Variants in MYOM2 observed in about 807,000 individuals in gnomAD.
The protein encoded by MYOM2 is myomesin-2.
In MYOM2, 254 loss-of-function variants were observed where a neutral mutation model predicts 187.6. The ratio of observed to expected loss-of-function variants is 1.35; its 90% confidence interval spans 1.22 to 1.50. The LOEUF (loss-of-function observed/expected upper bound fraction) is 1.50, where lower values mean the gene tolerates loss of function less well. MYOM2 is among the 40% of genes most tolerant of loss of function. MYOM2 has a pLI of 0.00. For missense variants in MYOM2, 2,796 were observed against 1,924.0 expected (o/e 1.45, Z -8.48); for synonymous variants, 981 against 753.8 (o/e 1.30, Z -4.94).
At chr8:2,077,927 C>T (rs146618465) in intron 11 of MYOM2, among the ~76,000 whole-genome samples, 26 of 152,248 alleles carry the variant, frequency 1.7e-4, no homozygotes, top group African/African-American at 5.8e-4. Flanking sequence ...GCTAAAACAG[C>T]CCATGACATG....
intron 16 of MYOM2, 75 bp downstream of exon 16, chr8:2,092,595 C>T: frequency 6.8e-7 from 1 of 1,462,142 alleles, no homozygotes; most frequent in Non-Finnish European, 9.3e-7. Flanking sequence ...GTGGCCCTGG[C>T]ACAGGGAGTA....
chr8:2,105,206 G>T (rs1796851107), intron 21 of MYOM2, among the ~76,000 whole-genome samples: 1 of 152,172 alleles, frequency 6.6e-6, no homozygotes, highest in Admixed American at 6.5e-5. Context: ...TCAGGAAGCA[G>T]TGCAGCCTCA....
rs536627817 is a variant in MYOM2 at position 2,119,656 on chromosome 8, G to A, written c.3453+1704G>A. 3.9e-5 allele frequency among the ~76,000 whole-genome samples: 6 copies of A among 152,218 alleles called. No homozygotes were observed. The East Asian group carries it at 1.2e-3, about 29-fold the overall frequency. On this transcript the variant is annotated intron_variant, in intron 28 of 36. Transcript: ENST00000262113. ...GGTGCTCAGCTGGCAGTGAGGGAGA[G>A]CGAGGGGAGTCAGGGTGGCTTTGTC...
intron 32 of MYOM2, among the ~76,000 whole-genome samples, chr8:2,133,642 G>A (rs1216826821): frequency 3.9e-5 from 6 of 152,144 alleles, no homozygotes; most frequent in South Asian, 4.1e-4. Flanking sequence ...TGTATATTTA[G>A]TAGAGATGGG....
At chr8:2,138,645 A>G (rs566194690) in intron 32 of MYOM2, among the ~76,000 whole-genome samples, 20 of 152,346 alleles carry the variant, frequency 1.3e-4, no homozygotes, top group Admixed American at 1.3e-3. Flanking sequence ...AGGCGGCACG[A>G]ACTCGCTCCC....
intron 11 of MYOM2, 117 bp from the exon 12 acceptor site, chr8:2,078,617 C>G (rs1298548222): frequency 1.1e-6 from 1 of 902,702 alleles, no homozygotes; most frequent in African/African-American, 1.7e-5. Flanking sequence ...AAAGATTTTA[C>G]TGGCGTGAGA....
At chr8:2,076,322 C>G in intron 11 of MYOM2, 40 bp downstream of exon 11, 1 of 1,603,428 alleles carries the variant, frequency 6.2e-7, no homozygotes, top group East Asian at 2.2e-5. Context: ...GAACGTTCCG[C>G]ATGGAATCTT....
chr8:2,059,088 G>C, intron 5 of MYOM2, 65 bp from the exon 6 acceptor site: 1 of 1,393,328 alleles, frequency 7.2e-7, no homozygotes, highest in Non-Finnish European at 1.0e-6. Context: ...GGGAGCTGGG[G>C]CAGAATTGCA....
Position 2,144,812 on chromosome 8 carries a change from C to T in MYOM2, c.4229C>T (p.Ser1410Phe). 1 of 1,614,146 alleles carries T rather than the reference C, an allele frequency of 6.2e-7. No individual in the cohort carries two copies. The change falls in exon 37 of 37, where the codon TCC becomes TTC. Residue 1410 changes from serine (S) to phenylalanine (F), a missense_variant. Physicochemically the swap from Ser to Phe is radical, Grantham distance 155. Coordinates refer to ENST00000262113, the MANE Select transcript of MYOM2 (RefSeq NM_003970.4). The part of the protein sequence containing the change: ...YVSMTIKGVT[S>F]EDSGKYSINI... The stretch of plus-strand genomic sequence containing the variant: ...AGCATGACCATCAAAGGCGTGACCT[C>T]CGAGGACTCGGGCAAGTACAGCATC...
rs146732433 is a variant in MYOM2 at position 2,145,060 on chromosome 8, C to T, written c.*79C>T. 2,255 of 1,500,300 alleles carry T rather than the reference C, an allele frequency of 1.5e-3. 11 individuals carry two copies. Among genetic ancestry groups the T allele is most frequent in the African/African-American group, 0.012 (837 of 70,978 alleles). The allele number at this position is 1,500,300 out of a possible 1,614,324, so 92.9% of individuals were successfully genotyped here. ...CTGTGTGCTTGTTCCAAATGAGCAG[C>T]TGGCATCCGAGTGGTGTCCTGTGTG... On this transcript the variant is annotated 3_prime_UTR_variant, in exon 37 of 37. Transcript: ENST00000262113.
At chr8:2,065,901 C>G (rs756598925) in intron 6 of MYOM2, among the ~76,000 whole-genome samples, 2 of 152,184 alleles carry the variant, frequency 1.3e-5, no homozygotes, top group African/African-American at 4.8e-5. Context: ...GGCTAAAACA[C>G]ACGGAGGAAG....
intron 18 of MYOM2, 141 bp downstream of exon 18, chr8:2,096,575 G>A: frequency 1.2e-6 from 1 of 846,472 alleles, no homozygotes. Context: ...AGATCATGAA[G>A]TTTTGGAGCT....
At chr8:2,115,604 T>C (rs564858490) in intron 25 of MYOM2, among the ~76,000 whole-genome samples, 4 of 152,212 alleles carry the variant, frequency 2.6e-5, no homozygotes, top group Admixed American at 6.5e-5. Flanking sequence ...ATTTTTGTCA[T>C]CAGCTGGTGA....
chr8:2,049,501 T>C (rs181120127), intron 1 of MYOM2, among the ~76,000 whole-genome samples: 1 of 152,322 alleles, frequency 6.6e-6, no homozygotes, highest in Admixed American at 6.5e-5. Context: ...CCTGGAGATC[T>C]GAACTATGAC....
At chr8:2,123,956 T>A (rs936766108) in intron 30 of MYOM2, among the ~76,000 whole-genome samples, 15 of 152,260 alleles carry the variant, frequency 9.9e-5, no homozygotes, top group Admixed American at 2.0e-4. Flanking sequence ...AATGTAGAGT[T>A]GGATTTATGT....
intron 34 of MYOM2, 32 bp downstream of exon 34, chr8:2,141,209 C>G: frequency 2.5e-6 from 4 of 1,599,390 alleles, no homozygotes; most frequent in Non-Finnish European, 3.4e-6. Flanking sequence ...ACTATGATAT[C>G]CTGTGGGCAG....
intron 15 of MYOM2, among the ~76,000 whole-genome samples, chr8:2,090,931 C>T (rs888452747): frequency 6.6e-5 from 10 of 150,698 alleles, no homozygotes; most frequent in Admixed American, 1.3e-4. Flanking sequence ...AATGAACATT[C>T]GCATCCATAT....
intron 28 of MYOM2, 105 bp from the exon 29 acceptor site, chr8:2,123,147 A>G: frequency 1.4e-6 from 1 of 701,338 alleles, no homozygotes; most frequent in Non-Finnish European, 2.3e-6. Flanking sequence ...GTAAAAACTA[A>G]GGTTTTTTGA....
intron 3 of MYOM2, among the ~76,000 whole-genome samples, chr8:2,053,845 C>T (rs575030484): frequency 4.6e-5 from 7 of 152,324 alleles, no homozygotes; most frequent in Admixed American, 2.0e-4. Flanking sequence ...CAGCAGCCCC[C>T]GAGTGTTGTA....
Sources: gnomAD v4.1 joint callset for allele counts (sites outside exome capture counted in the v4.1 genomes callset) on GRCh38, gnomAD v4.1.1 for gene constraint, MANE v1.5 for transcripts, NCBI Gene and HGNC (gene_info 2026-07-23, HGNC 2026-07-21) for gene names.